Variants in TRRAP observed in about 807,000 individuals in gnomAD.
TRRAP encodes the protein transformation/transcription domain-associated protein.
TRRAP carries 41 observed loss-of-function variants against 438.8 expected under a neutral mutation model. That is an observed-to-expected ratio of 0.09 (90% CI 0.07 to 0.12). TRRAP has a LOEUF of 0.12. Ranked by LOEUF, TRRAP falls within the 10% of genes least tolerant of loss-of-function variation. The pLI is 1.00. For missense variants in TRRAP, 3,122 were observed against 5,055.1 expected (o/e 0.62, Z 11.60); for synonymous variants, 1,994 against 1,962.9 (o/e 1.02, Z -0.42).
At chr7:98,922,669 AT>A (rs1789854889) in intron 21 of TRRAP, among the ~76,000 whole-genome samples, 1 of 151,954 alleles carries the variant, frequency 6.6e-6, no homozygotes, top group Non-Finnish European at 1.5e-5. Flanking sequence ...TGTATTGGGT[AT>A]TTTTTTAAGG....
intron 53 of TRRAP, among the ~76,000 whole-genome samples, chr7:98,972,938 T>G (rs1483445582): frequency 6.6e-6 from 1 of 152,214 alleles, no homozygotes; most frequent in African/African-American, 2.4e-5. Context: ...CTGATACATG[T>G]GAGTGATAGC....
chr7:98,961,776 G>A (rs1791903767), intron 46 of TRRAP, among the ~76,000 whole-genome samples: 1 of 152,058 alleles, frequency 6.6e-6, no homozygotes, highest in South Asian at 2.1e-4. Context: ...AAATTTAGCT[G>A]GGTGTGGTGG....
chr7:98,908,976 TGA>T lies in TRRAP; in HGVS notation c.1350+18_1350+19del. 3 of 1,607,514 alleles carry T rather than the reference TGA, an allele frequency of 1.9e-6. No homozygotes were observed. The highest frequency in any genetic ancestry group is 2.5e-6 in the Non-Finnish European group (3 of 1,176,484). ...CGGATGCTGGAGGTACCAGCTCTTC[TGA>T]GAGTATCATCCATCCTGCACTCTAT... On this transcript the variant is annotated intron_variant, in intron 14 of 72. Coordinates refer to ENST00000456197, the MANE Select transcript of TRRAP (RefSeq NM_001375524.1). This position sits in a 1 kb window ranked among gnomAD's most constrained non-coding sequence, Gnocchi z 4.1.
rs189213435 is a variant in TRRAP at position 98,920,367 on chromosome 7, G to A, written c.2623-1386G>A. ...TGTAATCTTAGCTGCTCAGGAGGCTGAGGTGGGAGGATTGCTTGCTTGGAC... is the reference window on the plus strand; with the variant it reads ...TGTAATCTTAGCTGCTCAGGAGGCTAAGGTGGGAGGATTGCTTGCTTGGAC... On this transcript the variant is annotated intron_variant, in intron 20 of 72. Coordinates refer to ENST00000456197, the MANE Select transcript of TRRAP (RefSeq NM_001375524.1). 2.3e-3 allele frequency among the ~76,000 whole-genome samples: 354 copies of A among 152,126 alleles called. 3 individuals are homozygous for A. Among genetic ancestry groups the A allele is most frequent in the African/African-American group, 8.2e-3 (341 of 41,496 alleles).
In TRRAP at chr7:98,893,007, A is replaced by G. The variant is rs1017616278; in HGVS notation, c.366+479A>G. Among the ~76,000 whole-genome samples, 4 of 150,818 alleles carry G rather than the reference A, an allele frequency of 2.7e-5. 1 individual carries two copies. The South Asian group carries it at 8.4e-4, about 32-fold the overall frequency. On this transcript the variant is annotated intron_variant, in intron 5 of 72. Coordinates refer to ENST00000456197, the MANE Select transcript of TRRAP (RefSeq NM_001375524.1). ...GAAGTCTTGGCCCAGGCTGGAGTGCAGTGGTGTGATCTTGGTTCACTGCAT... is the reference window on the plus strand; with the variant it reads ...GAAGTCTTGGCCCAGGCTGGAGTGCGGTGGTGTGATCTTGGTTCACTGCAT...
intron 10 of TRRAP, 128 bp from the exon 11 acceptor site, chr7:98,900,496 A>G (rs1224469025): frequency 2.8e-6 from 2 of 706,488 alleles, no homozygotes; most frequent in African/African-American, 1.8e-5. Flanking sequence ...CACCTTTGCT[A>G]TTGTTGCTGT....
chr7:99,001,905 C>G (rs1468192403), intron 67 of TRRAP, among the ~76,000 whole-genome samples: 1 of 152,160 alleles, frequency 6.6e-6, no homozygotes, highest in African/African-American at 2.4e-5. Flanking sequence ...GGAAACCATG[C>G]AGATGCCCTT....
In TRRAP at chr7:98,961,252, C is replaced by T. The variant is rs1331492874; in HGVS notation, c.6490-9C>T. Reference sequence around the variant, plus strand: ...TTCCTCTGTGAGTGGCCTGTGTTGTCCATTGCAGGAGCAGCCAAACCAAGT... The same window carrying T: ...TTCCTCTGTGAGTGGCCTGTGTTGTTCATTGCAGGAGCAGCCAAACCAAGT... On this transcript the variant is annotated splice_polypyrimidine_tract_variant and intron_variant, in intron 45 of 72. Coordinates refer to ENST00000456197, the MANE Select transcript of TRRAP (RefSeq NM_001375524.1). The T allele has an allele frequency of 5.6e-6, 9 of 1,613,652 alleles. No individual in the cohort carries two copies. The highest frequency in any genetic ancestry group is 6.8e-6 in the Non-Finnish European group (8 of 1,179,796).
intron 2 of TRRAP, 110 bp downstream of exon 2, chr7:98,881,360 G>A (rs1190061861): frequency 5.1e-6 from 5 of 978,202 alleles, no homozygotes; most frequent in African/African-American, 1.7e-5. Flanking sequence ...ATCACCTGAT[G>A]TCAGGAGTTT....
chr7:98,967,234 G>A (rs534864974), intron 50 of TRRAP, 72 bp downstream of exon 50: 1 of 1,538,936 alleles, frequency 6.5e-7, no homozygotes, highest in East Asian at 2.3e-5. Context: ...CAGCCATGCA[G>A]CCATGATTTT....
intron 70 of TRRAP, among the ~76,000 whole-genome samples, chr7:99,010,281 T>C (rs140515343): frequency 6.6e-6 from 1 of 152,342 alleles, no homozygotes; most frequent in East Asian, 1.9e-4. Flanking sequence ...CAAAGTTGAT[T>C]TTGATGGTTT....
intron 39 of TRRAP, among the ~76,000 whole-genome samples, chr7:98,951,546 T>C (rs1330052623): frequency 6.6e-6 from 1 of 152,224 alleles, no homozygotes; most frequent in East Asian, 1.9e-4. Flanking sequence ...GCCTGCATCA[T>C]GTTATTTCCC....
At chr7:98,958,557 C>T (rs1208884841) in intron 44 of TRRAP, among the ~76,000 whole-genome samples, 1 of 152,182 alleles carries the variant, frequency 6.6e-6, no homozygotes, top group Non-Finnish European at 1.5e-5. Context: ...ACCTTGGCCT[C>T]CCAAAGTGCT....
intron 67 of TRRAP, among the ~76,000 whole-genome samples, chr7:99,001,300 C>T (rs992662375): frequency 2.6e-5 from 4 of 152,200 alleles, no homozygotes; most frequent in Non-Finnish European, 5.9e-5. Context: ...CAAGCCCGGT[C>T]CTCCCCGTCT....
chr7:98,995,598 T>G (rs1354989232), intron 67 of TRRAP, among the ~76,000 whole-genome samples: 1 of 151,880 alleles, frequency 6.6e-6, no homozygotes, highest in Non-Finnish European at 1.5e-5. Flanking sequence ...CCAATTTCCT[T>G]CAGCCCAGGT....
At chr7:98,999,317 A>T (rs1013809715) in intron 67 of TRRAP, 2 of 1,362,650 alleles carry the variant, frequency 1.5e-6, no homozygotes, top group Admixed American at 3.4e-5. Flanking sequence ...GCTAAGCTTG[A>T]TCAAAGTCCA....
chr7:98,948,806 T>C lies in TRRAP; in HGVS notation c.4788+121T>C, dbSNP rs2116605507. On this transcript the variant is annotated intron_variant, in intron 35 of 72. Transcript: ENST00000456197. The surrounding 1 kb of genome is among the most constrained non-coding windows in gnomAD (Gnocchi z 4.9). ...CCTGGCTGCTTTTTTTTCAGATCCA[T>C]TTGAATATTGGAAACAGCATTGCTG... is the stretch of plus-strand genomic sequence containing the variant. 1 of 1,493,432 alleles carries C rather than the reference T, an allele frequency of 6.7e-7. No homozygotes were observed. Among genetic ancestry groups the C allele is most frequent in the South Asian group, 1.3e-5 (1 of 78,356 alleles). The allele number at this position is 1,493,432 out of a possible 1,614,324, so 92.5% of individuals were successfully genotyped here. A position where few individuals can be genotyped will look rare whatever the true frequency, so the allele number is the denominator to read the frequency against.
Position 98,911,054 on chromosome 7 carries a change from G to A in TRRAP, c.1813-23G>A, listed in dbSNP as rs370588774. Reference sequence around the variant, plus strand: ...AGAGGTTCAGTTTTAATGCCTGTGGGCGGCTTTTTTCCCCTGTATTAGGTC... The same window carrying A: ...AGAGGTTCAGTTTTAATGCCTGTGGACGGCTTTTTTCCCCTGTATTAGGTC... On this transcript the variant is annotated intron_variant, in intron 16 of 72. Transcript: ENST00000456197. 1.8e-4 allele frequency: 284 copies of A among 1,606,738 alleles called. No individual in the cohort carries two copies. The Middle Eastern group carries it at 2.2e-3, about 12-fold the overall frequency.
rs925079774 is a variant in TRRAP, at chr7:99,005,648, G to A, written c.10753+300G>A. 3.3e-5 allele frequency among the ~76,000 whole-genome samples: 5 copies of A among 152,010 alleles called. No individual in the cohort carries two copies. The highest frequency in any genetic ancestry group is 6.5e-5 in the Admixed American group (1 of 15,270). ...TTTGAATGTGGTTCGACACAAATTC[G>A]TCAACTTTCTTAGGACATTATGAGA... On this transcript the variant is annotated intron_variant, in intron 69 of 72. Transcript: ENST00000456197. This position sits in a 1 kb window ranked among gnomAD's most constrained non-coding sequence, Gnocchi z 5.1.
Sources: allele counts gnomAD v4.1 joint callset (sites outside exome capture counted in the v4.1 genomes callset), GRCh38; gene constraint gnomAD v4.1.1; non-coding constraint Gnocchi (gnomAD v3.1); transcripts MANE v1.5; gene names NCBI Gene and HGNC (gene_info 2026-07-23, HGNC 2026-07-21).